Variants in ENOX1 observed in about 807,000 individuals in gnomAD.
ENOX1 encodes ecto-NOX disulfide-thiol exchanger 1.
In ENOX1, 42 loss-of-function variants were observed where a neutral mutation model predicts 82.5. The ratio of observed to expected loss-of-function variants is 0.51; its 90% CI spans 0.40 to 0.66. ENOX1 has a LOEUF of 0.66. Among genes scored for constraint, ENOX1 ranks in the 30% least tolerant of loss-of-function variants. The pLI, the probability that ENOX1 is intolerant of heterozygous loss-of-function variation, is 0.00. For missense variants in ENOX1, 608 were observed against 811.6 expected (o/e 0.75, Z 3.05); for synonymous variants, 271 against 282.2 (o/e 0.96, Z 0.40).
chr13:43,217,079 G>C (rs1427406181), intron 16 of ENOX1, among the ~76,000 whole-genome samples: 1 of 152,158 alleles, frequency 6.6e-6, no homozygotes, highest in South Asian at 2.1e-4. Flanking sequence ...GTGTGGACCA[G>C]ACCTCCTGGC....
At chr13:43,639,651 A>G (rs1028206274) in intron 2 of ENOX1, among the ~76,000 whole-genome samples, 1 of 152,214 alleles carries the variant, frequency 6.6e-6, no homozygotes, top group African/African-American at 2.4e-5. Context: ...CTCTAAGCCA[A>G]CATGGTTTTT....
intron 14 of ENOX1, among the ~76,000 whole-genome samples, chr13:43,260,284 T>G (rs2043982684): frequency 6.6e-6 from 1 of 152,254 alleles, no homozygotes; most frequent in African/African-American, 2.4e-5. Context: ...TTTTTTCTTT[T>G]GTGTTTTTGT....
intron 16 of ENOX1, among the ~76,000 whole-genome samples, chr13:43,218,389 G>C (rs541525491): frequency 6.6e-6 from 1 of 152,188 alleles, no homozygotes; most frequent in African/African-American, 2.4e-5. Context: ...CACTTTGGGA[G>C]GCTAAGGTGA....
intron 1 of ENOX1, among the ~76,000 whole-genome samples, chr13:43,733,280 G>A (rs976373150): frequency 6.6e-6 from 1 of 152,094 alleles, no homozygotes; most frequent in Non-Finnish European, 1.5e-5. Flanking sequence ...TACAACAAAT[G>A]GTAGGTAAAA....
intron 5 of ENOX1, among the ~76,000 whole-genome samples, chr13:43,367,965 C>T (rs956760894): frequency 2.0e-5 from 3 of 152,132 alleles, no homozygotes; most frequent in Non-Finnish European, 4.4e-5. Flanking sequence ...CTTAGGTTTT[C>T]CCTTTGTGAA....
chr13:43,680,959 GA>G, intron 1 of ENOX1, among the ~76,000 whole-genome samples: 1 of 152,142 alleles, frequency 6.6e-6, no homozygotes, highest in South Asian at 2.1e-4. Context: ...TGTGAAGAAA[GA>G]AAAAACAGAG....
At chr13:43,763,182 A>G (rs1951080092) in intron 1 of ENOX1, among the ~76,000 whole-genome samples, 1 of 152,342 alleles carries the variant, frequency 6.6e-6, no homozygotes, top group South Asian at 2.1e-4. Context: ...CTGGGCTGCA[A>G]TAACAGGATA....
At chr13:43,365,926 T>A (rs1458622234) in intron 5 of ENOX1, among the ~76,000 whole-genome samples, 4 of 152,234 alleles carry the variant, frequency 2.6e-5, no homozygotes, top group Non-Finnish European at 4.4e-5. Context: ...CTGGAAGGGC[T>A]CTAACAAACA....
intron 2 of ENOX1, among the ~76,000 whole-genome samples, chr13:43,616,204 ATTTT>A (rs58543927): frequency 0.071 from 1,069 of 15,156 alleles, 187 homozygotes; most frequent in Admixed American, 0.096. Context: ...ATATATATAT[ATTTT>A]TTTTTTTTTT....
intron 2 of ENOX1, among the ~76,000 whole-genome samples, chr13:43,643,819 A>G (rs1435157071): frequency 6.6e-6 from 1 of 152,138 alleles, no homozygotes; most frequent in Non-Finnish European, 1.5e-5. Context: ...TAATGCTGAA[A>G]CACATTAACT....
intron 2 of ENOX1, among the ~76,000 whole-genome samples, chr13:43,608,651 G>C (rs1479085570): frequency 1.3e-5 from 2 of 152,150 alleles, no homozygotes; most frequent in African/African-American, 4.8e-5. Context: ...AAATTGGGTG[G>C]ATGAGGGGCT....
chr13:43,613,169 A>G (rs1367275194), intron 2 of ENOX1, among the ~76,000 whole-genome samples: 4 of 152,172 alleles, frequency 2.6e-5, no homozygotes, highest in Non-Finnish European at 5.9e-5. Flanking sequence ...ATACCTCCTT[A>G]ATAAATTTTA....
chr13:43,759,100 T>TC (rs1182088849), intron 1 of ENOX1, among the ~76,000 whole-genome samples: 1 of 144,572 alleles, frequency 6.9e-6, no homozygotes, highest in Admixed American at 6.9e-5. Context: ...TAAGTTTCTT[T>TC]TTTTTTTTTT....
At chr13:43,281,764 G>A (rs2045398049) in intron 12 of ENOX1, among the ~76,000 whole-genome samples, 1 of 152,138 alleles carries the variant, frequency 6.6e-6, no homozygotes, top group Non-Finnish European at 1.5e-5. Flanking sequence ...AATACGGGAG[G>A]GATAACACCA....
chr13:43,553,798 A>T (rs1003247386), intron 2 of ENOX1, among the ~76,000 whole-genome samples: 2 of 152,114 alleles, frequency 1.3e-5, no homozygotes, highest in Admixed American at 6.5e-5. Context: ...CCCAGGCTGG[A>T]GTGCAGCTGC....
chr13:43,744,408 C>T (rs973162022), intron 1 of ENOX1, among the ~76,000 whole-genome samples: 10 of 151,998 alleles, frequency 6.6e-5, no homozygotes, highest in East Asian at 1.9e-4. Flanking sequence ...TGCCTCTTAA[C>T]GAGGAAAGGA....
chr13:43,771,531 C>T (rs9533611), intron 1 of ENOX1, among the ~76,000 whole-genome samples: 7,793 of 152,116 alleles, frequency 0.051, 231 homozygotes, highest in African/African-American at 0.071. Flanking sequence ...AAGAGAGATT[C>T]TTTGAAAGAC....
intron 2 of ENOX1, among the ~76,000 whole-genome samples, chr13:43,501,770 A>G (rs2076989235): frequency 6.9e-6 from 1 of 144,338 alleles, no homozygotes. Context: ...AGGGAATTTT[A>G]TAGTATAAAC....
intron 1 of ENOX1, among the ~76,000 whole-genome samples, chr13:43,746,628 T>C (rs1950034860): frequency 2.6e-5 from 4 of 152,230 alleles, no homozygotes; most frequent in African/African-American, 9.6e-5. Flanking sequence ...AGATCACTGT[T>C]CATCCATATA....
Sources: allele counts gnomAD v4.1 joint callset (sites outside exome capture counted in the v4.1 genomes callset), GRCh38; gene constraint gnomAD v4.1.1; transcripts MANE v1.5; gene names NCBI Gene and HGNC (gene_info 2026-07-23, HGNC 2026-07-21).